The following ATRNL1 variants were observed in gnomAD, a reference collection of about 807,000 sequenced individuals.
ATRNL1 encodes the protein attractin like 1, also known as attractin-like protein 1.
In ATRNL1, 95 loss-of-function variants were observed where a neutral mutation model predicts 182.7. That is an observed-to-expected ratio of 0.52 (90% CI 0.44 to 0.62). ATRNL1 has a LOEUF of 0.62. Among genes scored for constraint, ATRNL1 ranks in the 20% least tolerant of loss-of-function variants. The pLI is 0.00. For missense variants in ATRNL1, 1,471 were observed against 1,679.5 expected, an observed-to-expected ratio of 0.88 and a Z score of 2.17; for synonymous variants, 576 against 568.3, an observed-to-expected ratio of 1.01 and a Z score of -0.19.
At chr10:115,924,059 A>C (rs1953146866) in intron 28 of ATRNL1, among the ~76,000 whole-genome samples, 2 of 152,154 alleles carry the variant, frequency 1.3e-5, no homozygotes, top group African/African-American at 4.8e-5. Context: ...TTCTTTTGAG[A>C]AGTGTTTGTT....
chr10:115,361,574 A>G (rs1856750651), intron 19 of ATRNL1, among the ~76,000 whole-genome samples: 2 of 152,066 alleles, frequency 1.3e-5, no homozygotes, highest in South Asian at 4.1e-4. Flanking sequence ...CCTCACCTAC[A>G]TCAATATTCA....
chr10:115,858,459 T>C (rs1390575765), intron 28 of ATRNL1, among the ~76,000 whole-genome samples: 3 of 152,210 alleles, frequency 2.0e-5, no homozygotes, highest in South Asian at 4.1e-4. Flanking sequence ...AAATACTGCA[T>C]GTTCTTATTT....
At chr10:115,183,056 A>G (rs1170704367) in intron 8 of ATRNL1, among the ~76,000 whole-genome samples, 2 of 151,518 alleles carry the variant, frequency 1.3e-5, no homozygotes, top group African/African-American at 4.8e-5. Flanking sequence ...ATATATATAA[A>G]AAATTAGTAG....
At chr10:115,912,487 C>G (rs1952713604) in intron 28 of ATRNL1, among the ~76,000 whole-genome samples, 1 of 151,400 alleles carries the variant, frequency 6.6e-6, no homozygotes, top group Non-Finnish European at 1.5e-5. Flanking sequence ...GGTGGAAGAA[C>G]AGTGTGATAG....
intron 5 of ATRNL1, among the ~76,000 whole-genome samples, chr10:115,145,977 A>G (rs145761316): frequency 1.3e-5 from 2 of 152,188 alleles, no homozygotes; most frequent in Non-Finnish European, 2.9e-5. Flanking sequence ...AAGCTAGCCA[A>G]ATTAATTTCT....
chr10:115,711,082 T>G (rs998251441), intron 26 of ATRNL1, among the ~76,000 whole-genome samples: 3 of 152,164 alleles, frequency 2.0e-5, no homozygotes, highest in African/African-American at 7.2e-5. Context: ...CACTCTTTTC[T>G]TTCTCTGGGT....
At chr10:115,311,675 T>C (rs1554927877) in intron 17 of ATRNL1, among the ~76,000 whole-genome samples, 1 of 152,170 alleles carries the variant, frequency 6.6e-6, no homozygotes, top group Non-Finnish European at 1.5e-5. Flanking sequence ...TTGATGACTT[T>C]CTGCTTTGAT....
intron 14 of ATRNL1, among the ~76,000 whole-genome samples, chr10:115,282,559 A>G (rs1852419447): frequency 1.3e-5 from 2 of 152,068 alleles, no homozygotes; most frequent in Admixed American, 6.6e-5. Context: ...TCATTTTTTC[A>G]CAGTTAACAT....
intron 19 of ATRNL1, among the ~76,000 whole-genome samples, chr10:115,352,803 G>C (rs1437099232): frequency 6.6e-6 from 1 of 152,136 alleles, no homozygotes; most frequent in African/African-American, 2.4e-5. Context: ...GGGAGGCTGA[G>C]GCAGGAGAAT....
chr10:115,446,779 G>T (rs2134466788), intron 21 of ATRNL1, among the ~76,000 whole-genome samples: 1 of 151,998 alleles, frequency 6.6e-6, no homozygotes, highest in Non-Finnish European at 1.5e-5. Context: ...AATAAGAGAG[G>T]TCTTTCTTTA....
chr10:115,841,144 T>C (rs1950799182), intron 27 of ATRNL1, among the ~76,000 whole-genome samples: 1 of 152,098 alleles, frequency 6.6e-6, no homozygotes, highest in South Asian at 2.1e-4. Flanking sequence ...CTATTAACAG[T>C]CATGTTATTA....
chr10:115,584,564 T>C (rs1855374564), intron 26 of ATRNL1, among the ~76,000 whole-genome samples: 1 of 137,512 alleles, frequency 7.3e-6, no homozygotes, highest in Non-Finnish European at 1.6e-5. Context: ...TCTCTGATGG[T>C]AGTTTGTATT....
chr10:115,259,010 C>A (rs927012574), intron 10 of ATRNL1, among the ~76,000 whole-genome samples: 1 of 152,154 alleles, frequency 6.6e-6, no homozygotes, highest in Non-Finnish European at 1.5e-5. Context: ...AACGGGGCAG[C>A]CACCTGTATG....
chr10:115,909,525 A>T (rs993279520), intron 28 of ATRNL1: 2 of 149,290 alleles, frequency 1.3e-5, no homozygotes, highest in Non-Finnish European at 3.0e-5. Context: ...CCCTCCCCAA[A>T]CCAGATCTGC....
chr10:115,299,373 T>C (rs1554923742), intron 15 of ATRNL1, among the ~76,000 whole-genome samples: 2 of 151,934 alleles, frequency 1.3e-5, no homozygotes, highest in African/African-American at 2.4e-5. Flanking sequence ...TATTTGTCAA[T>C]CTTAGTTAAA....
At chr10:115,253,398 G>A (rs1309698514) in intron 10 of ATRNL1, among the ~76,000 whole-genome samples, 1 of 152,090 alleles carries the variant, frequency 6.6e-6, no homozygotes, top group Non-Finnish European at 1.5e-5. Context: ...GTGTTCCTCA[G>A]GCAGTTTGTG....
chr10:115,094,146 A>G (rs2084951129), intron 1 of ATRNL1, 103 bp downstream of exon 1: 9 of 1,160,668 alleles, frequency 7.8e-6, no homozygotes, highest in Middle Eastern at 6.3e-4. Flanking sequence ...GCTGCCTCTG[A>G]TCCCCCGGCC....
At chr10:115,264,379 A>C (rs1409896726) in intron 10 of ATRNL1, among the ~76,000 whole-genome samples, 1 of 151,682 alleles carries the variant, frequency 6.6e-6, no homozygotes, top group Non-Finnish European at 1.5e-5. Flanking sequence ...TACCTAAACA[A>C]AATTAATTTG....
intron 8 of ATRNL1, among the ~76,000 whole-genome samples, chr10:115,188,276 T>C (rs1445937579): frequency 1.3e-5 from 2 of 152,160 alleles, no homozygotes; most frequent in Admixed American, 6.6e-5. Context: ...TATTTGGTTA[T>C]GTGGAATATA....
Sources: gnomAD v4.1 joint callset for allele counts (sites outside exome capture counted in the v4.1 genomes callset) on GRCh38, gnomAD v4.1.1 for gene constraint, MANE v1.5 for transcripts, NCBI Gene and HGNC (gene_info 2026-07-23, HGNC 2026-07-21) for gene names.